Variants in SPTSSB observed in about 807,000 individuals in gnomAD.
SPTSSB encodes androgen down regulated in mouse prostate.
Under a neutral mutation model 7.7 loss-of-function variants are expected in SPTSSB, and 6 were observed. The observed-to-expected ratio is 0.78, with a 90% CI of 0.43 to 1.54. The LOEUF is 1.54. Ranked by LOEUF, SPTSSB falls within the 40% of genes most tolerant of loss-of-function variation. The probability of loss-of-function intolerance (pLI) is 0.01; values close to 1 mark genes in which losing one functional copy is unlikely to be tolerated. For missense variants in SPTSSB, 91 were observed against 93.0 expected (o/e 0.98, Z 0.09); for synonymous variants, 28 against 29.7 (o/e 0.94, Z 0.19).
At position 161,367,472 on chromosome 3, in the gene SPTSSB, G is replaced by A. The variant is rs114931323; in HGVS notation, c.-126+3963C>T. ...AATAACTGTCTGGCAGCAAGGCTGAGGCTGCTTGCCACCCCCATGACACTC... is the reference window on the plus strand; with the variant it reads ...AATAACTGTCTGGCAGCAAGGCTGAAGCTGCTTGCCACCCCCATGACACTC... On this transcript the variant is annotated intron_variant, in intron 1 of 2. Coordinates refer to ENST00000620149, the MANE Select transcript of SPTSSB (RefSeq NM_001040100.2). Among the ~76,000 whole-genome samples, 769 of 152,292 alleles carry A rather than the reference G, an allele frequency of 5.0e-3. 8 individuals are homozygous for A. The highest frequency in any genetic ancestry group is 0.017 in the African/African-American group (712 of 41,544).
At chr3:161,371,102 A>G (rs1306557772) in intron 1 of SPTSSB, among the ~76,000 whole-genome samples, 1 of 152,186 alleles carries the variant, frequency 6.6e-6, no homozygotes, top group African/African-American at 2.4e-5. Flanking sequence ...AATATTTAAG[A>G]AGGAAACCAA....
chr3:161,349,484 G>C lies in SPTSSB; in HGVS notation c.-32-3129C>G, dbSNP rs141195483. 2.2e-4 allele frequency among the ~76,000 whole-genome samples: 34 copies of C among 152,290 alleles called. No homozygotes were observed. The East Asian group carries it at 6.6e-3, about 29-fold the overall frequency. On this transcript the variant is annotated intron_variant, in intron 2 of 2. Transcript: ENST00000620149. The stretch of plus-strand genomic sequence containing the variant: ...CTCAGCAAAGCTAAACCAAGAACTT[G>C]AAATGCTTACTTTATTCAGGCACAC...
intron 1 of SPTSSB, among the ~76,000 whole-genome samples, chr3:161,360,319 G>A (rs1054449838): frequency 3.9e-5 from 6 of 152,138 alleles, no homozygotes; most frequent in South Asian, 2.1e-4. Flanking sequence ...TGGGGGACAC[G>A]GGGAAGAGAT....
intron 1 of SPTSSB, among the ~76,000 whole-genome samples, chr3:161,360,484 A>G (rs1179149971): frequency 6.6e-6 from 1 of 152,176 alleles, no homozygotes; most frequent in Non-Finnish European, 1.5e-5. Context: ...TATATAGAAC[A>G]GTGATATTGT....
At chr3:161,369,274 C>CT (rs1379853823) in intron 1 of SPTSSB, among the ~76,000 whole-genome samples, 1 of 137,358 alleles carries the variant, frequency 7.3e-6, no homozygotes, top group East Asian at 2.3e-4. Flanking sequence ...CTTTCTTTTT[C>CT]TTCTTTCTTT....
At chr3:161,365,757 A>T (rs1343906828) in intron 1 of SPTSSB, among the ~76,000 whole-genome samples, 1 of 152,192 alleles carries the variant, frequency 6.6e-6, no homozygotes, top group Non-Finnish European at 1.5e-5. Context: ...AAATAAATGT[A>T]TCCTTTTGAC....
At chr3:161,370,199 A>G (rs1436906116) in intron 1 of SPTSSB, among the ~76,000 whole-genome samples, 1 of 152,244 alleles carries the variant, frequency 6.6e-6, no homozygotes, top group Admixed American at 6.5e-5. Flanking sequence ...GCAAATTTAC[A>G]GTGAATTAAG....
chr3:161,366,016 CTT>C (rs1255067443), intron 1 of SPTSSB, among the ~76,000 whole-genome samples: 1 of 152,172 alleles, frequency 6.6e-6, no homozygotes, highest in Non-Finnish European at 1.5e-5. Flanking sequence ...CTTGTTCTCT[CTT>C]TACCTGGGCA....
chr3:161,364,159 ATACAGCAGTCATAGCCTAGT>A, intron 1 of SPTSSB, among the ~76,000 whole-genome samples: 1 of 152,254 alleles, frequency 6.6e-6, no homozygotes, highest in South Asian at 2.1e-4. Flanking sequence ...CTAAACAGAT[ATACAGCAGTCATAGCCTAGT>A]AACAACGCCA....
intron 1 of SPTSSB, among the ~76,000 whole-genome samples, chr3:161,365,801 A>G (rs1484790579): frequency 6.6e-6 from 1 of 152,174 alleles, no homozygotes; most frequent in East Asian, 1.9e-4. Context: ...CTTTTAAGCC[A>G]TTACTAAAAG....
At position 161,344,869 on chromosome 3, in the gene SPTSSB, CAT is replaced by C. The variant is rs766542019; in HGVS notation, c.*1222_*1223del. 7.2e-5 allele frequency: 11 copies of C among 152,566 alleles called. No individual in the cohort carries two copies. The highest frequency in any genetic ancestry group is 1.3e-4 in the Non-Finnish European group (9 of 68,000). The allele number at this position is 152,566 out of a possible 1,614,324, so 9.5% of individuals were successfully genotyped here. ...GTTCAGATCTGGTTTCTCTTCAAAA[CAT>C]GTGTTTGTTTTTTTAACAAACATGC... On this transcript the variant is annotated 3_prime_UTR_variant, in exon 3 of 3. Coordinates refer to ENST00000620149, the MANE Select transcript of SPTSSB (RefSeq NM_001040100.2).
Position 161,345,964 on chromosome 3 carries a change from T to C in SPTSSB, c.*129A>G, listed in dbSNP as rs2108151178. On this transcript the variant is annotated 3_prime_UTR_variant, in exon 3 of 3. Coordinates refer to ENST00000620149, the MANE Select transcript of SPTSSB (RefSeq NM_001040100.2). ...TCAAACTCCAGGCAGAAAGGCAGAATATAAGAGTGCATAGAGAAGAGAGTG... is the reference window on the plus strand; with the variant it reads ...TCAAACTCCAGGCAGAAAGGCAGAACATAAGAGTGCATAGAGAAGAGAGTG... 2 of 616,352 alleles carry C rather than the reference T, an allele frequency of 3.2e-6. No individual in the cohort carries two copies. Among genetic ancestry groups the C allele is most frequent in the East Asian group, 2.8e-5 (1 of 36,288 alleles). 38.2% of individuals were successfully genotyped at this position (616,352 alleles called of 1,614,324 possible).
In SPTSSB at chr3:161,371,470, A is replaced by AGC. The variant is rs1715507407; in HGVS notation, c.-163_-162dup. Reference sequence around the variant, plus strand: ...GGTGTATCTCCCTGCGGCTTAGGTGAGCGCCGAGGCTTTGGCTCCTCCCCA... The same window carrying AGC: ...GGTGTATCTCCCTGCGGCTTAGGTGAGCGCGCCGAGGCTTTGGCTCCTCCCCA... On this transcript the variant is annotated 5_prime_UTR_variant, in exon 1 of 3. Transcript: ENST00000620149. 1 of 985,460 alleles carries AGC rather than the reference A, an allele frequency of 1.0e-6. No individual in the cohort carries two copies. The highest frequency in any genetic ancestry group is 1.2e-6 in the Non-Finnish European group (1 of 829,990). 61.0% of individuals were successfully genotyped at this position (985,460 alleles called of 1,614,324 possible). A position where few individuals can be genotyped will look rare whatever the true frequency, so the allele number is the denominator to read the frequency against.
At chr3:161,351,137 A>G (rs1453144059) in intron 2 of SPTSSB, among the ~76,000 whole-genome samples, 2 of 152,210 alleles carry the variant, frequency 1.3e-5, no homozygotes, top group Non-Finnish European at 2.9e-5. Flanking sequence ...GGAATCCTGG[A>G]ACAGAAAAGG....
intron 1 of SPTSSB, among the ~76,000 whole-genome samples, chr3:161,369,419 C>T (rs138667128): frequency 0.022 from 2,172 of 97,170 alleles, 61 homozygotes; most frequent in Non-Finnish European, 0.031. Context: ...TTGTGATAGC[C>T]ATTCCGGTTG....
At chr3:161,369,363 TC>T (rs67065048) in intron 1 of SPTSSB, among the ~76,000 whole-genome samples, 12 of 127,152 alleles carry the variant, frequency 9.4e-5, no homozygotes, top group Middle Eastern at 4.0e-3. Flanking sequence ...TCTTTCTTTC[TC>T]TCTCTGTCTC....
chr3:161,366,646 C>G (rs1415350658), intron 1 of SPTSSB, among the ~76,000 whole-genome samples: 2 of 152,008 alleles, frequency 1.3e-5, no homozygotes, highest in Non-Finnish European at 2.9e-5. Flanking sequence ...CTTCAGAGCC[C>G]TTATCTACAT....
chr3:161,351,601 GAGAGAGAGAGAA>G (rs148355695), intron 2 of SPTSSB, among the ~76,000 whole-genome samples: 2,642 of 152,138 alleles, frequency 0.017, 47 homozygotes, highest in Non-Finnish European at 0.021. Context: ...CACACACAGA[GAGAGAGAGAGAA>G]AGAGAGAGAG....
Position 161,359,832 on chromosome 3 carries a change from T to C in SPTSSB, c.-63A>G. ...AAAGTCCAGGTCTGGTTCTTCAGCCTTGCTCCTTCACGAAATGATCCTGTG... is the reference window on the plus strand; with the variant it reads ...AAAGTCCAGGTCTGGTTCTTCAGCCCTGCTCCTTCACGAAATGATCCTGTG... On this transcript the variant is annotated 5_prime_UTR_variant, in exon 2 of 3. Transcript: ENST00000620149. The C allele has an allele frequency of 1.0e-6, 1 of 983,374 alleles. No individual in the cohort carries two copies. Among genetic ancestry groups the C allele is most frequent in the Non-Finnish European group, 1.2e-6 (1 of 828,008 alleles). 60.9% of individuals were successfully genotyped at this position (983,374 alleles called of 1,614,324 possible). A position where few individuals can be genotyped will look rare whatever the true frequency, so the allele number is the denominator to read the frequency against.
Sources: gnomAD v4.1 joint callset for allele counts (sites outside exome capture counted in the v4.1 genomes callset) on GRCh38, gnomAD v4.1.1 for gene constraint, MANE v1.5 for transcripts, NCBI Gene and HGNC (gene_info 2026-07-23, HGNC 2026-07-21) for gene names.